Variants in MYOCD observed in about 807,000 individuals in gnomAD.
MYOCD encodes myocardin.
MYOCD carries 32 observed loss-of-function variants against 96.1 expected under a neutral mutation model. The ratio of observed to expected loss-of-function variants is 0.33; its 90% CI spans 0.25 to 0.45. The LOEUF is 0.45. Among genes scored for constraint, MYOCD ranks in the 20% least tolerant of loss-of-function variants. MYOCD has a pLI of 1.00. For missense variants in MYOCD, 1,133 were observed against 1,200.6 expected (o/e 0.94, Z 0.83); for synonymous variants, 469 against 469.0 (o/e 1.00, Z 0.00).
chr17:12,734,867 T>G (rs142997722), intron 5 of MYOCD, among the ~76,000 whole-genome samples: 2 of 150,136 alleles, frequency 1.3e-5, no homozygotes, highest in Non-Finnish European at 3.0e-5. Flanking sequence ...ACTTTTATAT[T>G]CATGGTAAAG....
chr17:12,734,189 A>C (rs1030484350), intron 5 of MYOCD, among the ~76,000 whole-genome samples: 1 of 151,978 alleles, frequency 6.6e-6, no homozygotes, highest in African/African-American at 2.4e-5. Flanking sequence ...AGAGAGGAGG[A>C]GTCTTTGTCA....
At chr17:12,733,798 G>C (rs558395910) in intron 5 of MYOCD, among the ~76,000 whole-genome samples, 39 of 151,808 alleles carry the variant, frequency 2.6e-4, no homozygotes, top group African/African-American at 8.2e-4. Flanking sequence ...ACCTCGGAGG[G>C]GGAGTTTCAG....
intron 9 of MYOCD, among the ~76,000 whole-genome samples, chr17:12,750,953 A>G (rs1449826188): frequency 6.6e-6 from 1 of 152,082 alleles, no homozygotes; most frequent in Admixed American, 6.6e-5. Context: ...TGAGCTTTTT[A>G]ACACTTTATT....
intron 1 of MYOCD, among the ~76,000 whole-genome samples, chr17:12,703,022 AGAATTT>A (rs2031143845): frequency 6.6e-6 from 1 of 151,984 alleles, no homozygotes; most frequent in African/African-American, 2.4e-5. Flanking sequence ...TTGAGCCTGA[AGAATTT>A]ACTTAAGCAT....
chr17:12,714,466 C>G (rs980686815), intron 2 of MYOCD, among the ~76,000 whole-genome samples: 2 of 151,916 alleles, frequency 1.3e-5, no homozygotes, highest in African/African-American at 4.8e-5. Flanking sequence ...CATTGGAACT[C>G]GGGATCATGT....
chr17:12,733,497 A>G (rs547189855), intron 5 of MYOCD, among the ~76,000 whole-genome samples: 1 of 152,174 alleles, frequency 6.6e-6, no homozygotes, highest in Non-Finnish European at 1.5e-5. Flanking sequence ...TGAGATTCCA[A>G]CGGCTGATAC....
chr17:12,729,104 G>A (rs1230451101), intron 5 of MYOCD, among the ~76,000 whole-genome samples: 1 of 152,186 alleles, frequency 6.6e-6, no homozygotes, highest in Non-Finnish European at 1.5e-5. Flanking sequence ...ATGGCCCTGA[G>A]TGAGATGGTA....
At chr17:12,703,917 A>G (rs1308599431) in intron 1 of MYOCD, among the ~76,000 whole-genome samples, 4 of 151,738 alleles carry the variant, frequency 2.6e-5, no homozygotes, top group Admixed American at 6.6e-5. Context: ...TATGTGTTCT[A>G]TTTTGCTGCT....
chr17:12,717,651 C>A (rs1055973987), intron 4 of MYOCD, among the ~76,000 whole-genome samples: 1 of 152,156 alleles, frequency 6.6e-6, no homozygotes, highest in East Asian at 1.9e-4. Flanking sequence ...CTCAGCTGTG[C>A]GATCTCCTAA....
chr17:12,676,245 GCACACACACACACACACACACACACACA>G (rs36211306), intron 1 of MYOCD, among the ~76,000 whole-genome samples: 19,021 of 145,664 alleles, frequency 0.13, 2,354 homozygotes, highest in African/African-American at 0.33. Context: ...GCGCGCGCAC[GCACACACACACACACACACACACACACA>G]CACACACACA....
Position 12,745,906 on chromosome 17 carries a change from G to C in MYOCD, c.972-13G>C. The C allele has an allele frequency of 6.2e-7, 1 of 1,613,112 alleles. No individual in the cohort carries two copies. Among genetic ancestry groups the C allele is most frequent in the Non-Finnish European group, 8.5e-7 (1 of 1,179,744 alleles). On this transcript the variant is annotated splice_polypyrimidine_tract_variant and intron_variant, in intron 8 of 13. Transcript: ENST00000425538. ...TTGATTGTACTTGAAATGCCTCTTT[G>C]TTTGTTTTTTAGGGAACCAAATGAA... is the stretch of plus-strand genomic sequence containing the variant.
At chr17:12,722,546 G>A (rs1441490227) in intron 4 of MYOCD, among the ~76,000 whole-genome samples, 1 of 152,160 alleles carries the variant, frequency 6.6e-6, no homozygotes, top group African/African-American at 2.4e-5. Context: ...TTAGGGTTAG[G>A]CAAACAATAC....
At chr17:12,678,772 T>C (rs919535035) in intron 1 of MYOCD, among the ~76,000 whole-genome samples, 2 of 152,146 alleles carry the variant, frequency 1.3e-5, no homozygotes, top group African/African-American at 2.4e-5. Flanking sequence ...CTCGGCTCAC[T>C]GCAAGCTCCA....
chr17:12,709,245 T>G (rs1011443436), intron 2 of MYOCD, among the ~76,000 whole-genome samples: 1 of 152,236 alleles, frequency 6.6e-6, no homozygotes, highest in Non-Finnish European at 1.5e-5. Flanking sequence ...GCATGCATTC[T>G]GCAGGGTTTG....
chr17:12,759,553 A>G (rs1442626919), intron 12 of MYOCD, among the ~76,000 whole-genome samples: 1 of 152,140 alleles, frequency 6.6e-6, no homozygotes, highest in Admixed American at 6.5e-5. Context: ...CTCTCAGAGG[A>G]GTGAGATGGA....
chr17:12,744,209 C>A lies in MYOCD; in HGVS notation c.744C>A (p.Asn248Lys). 6.2e-7 allele frequency: 1 copy of A among 1,614,154 alleles called. No homozygotes were observed. Among genetic ancestry groups the A allele is most frequent in the Non-Finnish European group, 8.5e-7 (1 of 1,180,022 alleles). Residue 248 changes from asparagine (N) to lysine (K), a missense_variant, in exon 8 of 14, where the codon AAC becomes AAA. Coordinates refer to ENST00000425538, the MANE Select transcript of MYOCD (RefSeq NM_001146312.3). ...VKSKSLGDSKNRHKKPKDPKP... is the reference protein window; with the variant it reads ...VKSKSLGDSKKRHKKPKDPKP... ...CCAAATCCTTGGGTGACAGTAAGAACCGCCACAAAAAGCCCAAGGACCCCA... is the reference window on the plus strand; with the variant it reads ...CCAAATCCTTGGGTGACAGTAAGAAACGCCACAAAAAGCCCAAGGACCCCA...
intron 6 of MYOCD, among the ~76,000 whole-genome samples, chr17:12,737,442 G>A (rs1175340251): frequency 6.6e-6 from 1 of 152,144 alleles, no homozygotes; most frequent in Admixed American, 6.5e-5. Context: ...GCTCTGTGAG[G>A]CCGAGCAACT....
chr17:12,684,437 C>CT (rs1425025962), intron 1 of MYOCD, among the ~76,000 whole-genome samples: 2 of 152,218 alleles, frequency 1.3e-5, no homozygotes, highest in African/African-American at 4.8e-5. Context: ...TCCCTTACCA[C>CT]TCCCAAATAG....
chr17:12,671,151 T>C (rs1909687110), intron 1 of MYOCD, among the ~76,000 whole-genome samples: 1 of 152,270 alleles, frequency 6.6e-6, no homozygotes, highest in Non-Finnish European at 1.5e-5. Context: ...TGGTTTTTAC[T>C]GTCTTTATTC....
Sources: allele counts gnomAD v4.1 joint callset (sites outside exome capture counted in the v4.1 genomes callset), GRCh38; gene constraint gnomAD v4.1.1; transcripts MANE v1.5; gene names NCBI Gene and HGNC (gene_info 2026-07-23, HGNC 2026-07-21).